Variants in GRAMD1B observed in about 807,000 individuals in gnomAD.
The protein encoded by GRAMD1B is GRAM domain containing 1B, also known as protein Aster-B.
In GRAMD1B, 37 loss-of-function variants were observed where a neutral mutation model predicts 99.7. That is an observed-to-expected ratio of 0.37 (90% CI 0.29 to 0.49). The LOEUF (loss-of-function observed/expected upper bound fraction) is 0.49. GRAMD1B is among the 20% of genes least tolerant of loss of function. GRAMD1B has a pLI of 0.98. For missense variants in GRAMD1B, 888 were observed against 1,009.2 expected (o/e 0.88, Z 1.63); for synonymous variants, 427 against 387.6 (o/e 1.10, Z -1.19).
At chr11:123,581,475 T>C (rs1339141158) in intron 3 of GRAMD1B, among the ~76,000 whole-genome samples, 1 of 152,178 alleles carries the variant, frequency 6.6e-6, no homozygotes, top group Non-Finnish European at 1.5e-5. Context: ...TTGGGACTCA[T>C]TTCCGGGAAT....
intron 2 of GRAMD1B, among the ~76,000 whole-genome samples, chr11:123,490,393 C>T (rs1938418564): frequency 6.6e-6 from 1 of 152,136 alleles, no homozygotes; most frequent in Non-Finnish European, 1.5e-5. Context: ...TCAAAAGGGT[C>T]TTGGTCTTTA....
chr11:123,504,284 A>G (rs549192748), intron 2 of GRAMD1B, among the ~76,000 whole-genome samples: 2 of 152,352 alleles, frequency 1.3e-5, no homozygotes, highest in Non-Finnish European at 2.9e-5. Flanking sequence ...GGAGGCTGAC[A>G]GCTTCCACTT....
intron 5 of GRAMD1B, 38 bp from the exon 6 acceptor site, chr11:123,594,697 C>G: frequency 9.2e-7 from 1 of 1,088,654 alleles, no homozygotes. Context: ...GAAAATGCTT[C>G]CTGCCTCTGA....
chr11:123,504,102 T>G (rs963131050), intron 2 of GRAMD1B, among the ~76,000 whole-genome samples: 1 of 152,212 alleles, frequency 6.6e-6, no homozygotes, highest in Non-Finnish European at 1.5e-5. Flanking sequence ...TCACTCATGT[T>G]TCTGTTGCTT....
At chr11:123,415,138 C>T (rs1336493178) in intron 1 of GRAMD1B, among the ~76,000 whole-genome samples, 7 of 108,060 alleles carry the variant, frequency 6.5e-5, no homozygotes, top group East Asian at 3.1e-4. Context: ...GAGTCTGGCT[C>T]TGTCGCCAGG....
chr11:123,499,600 G>A (rs1191844129), intron 2 of GRAMD1B, among the ~76,000 whole-genome samples: 2 of 152,172 alleles, frequency 1.3e-5, no homozygotes, highest in Admixed American at 1.3e-4. Context: ...AGGCATGTAA[G>A]CAATTAAATG....
Position 123,606,747 on chromosome 11 carries a change from A to G in GRAMD1B, c.1462A>G (p.Asn488Asp), listed in dbSNP as rs1160778334. The G allele has an allele frequency of 6.2e-7, 1 of 1,613,770 alleles. No individual in the cohort carries two copies. Among genetic ancestry groups the G allele is most frequent in the Non-Finnish European group, 8.5e-7 (1 of 1,179,800 alleles). The change falls in exon 11 of 20, where the codon AAT (asparagine) becomes GAT (aspartate). Residue 488 changes from asparagine to aspartate, a missense_variant. Physicochemically the swap from Asn to Asp is conservative, Grantham distance 23 (BLOSUM62 1). This residue lies in a region of GRAMD1B where 269 missense variants were observed against 296.6 expected (regional missense o/e 0.91). Transcript: ENST00000635736. Reference protein sequence around the residue: ...VNSPSLDFNDNEDIPTELSDS... With the variant: ...VNSPSLDFNDDEDIPTELSDS... ...CTCCCCTTCACTGGACTTCAATGAC[A>G]ATGAGGACATCCCCACTGAGCTCAG...
intron 1 of GRAMD1B, among the ~76,000 whole-genome samples, chr11:123,461,295 G>A (rs923997873): frequency 5.7e-4 from 87 of 152,320 alleles, no homozygotes; most frequent in African/African-American, 2.0e-3. Flanking sequence ...TGGCAGAAAA[G>A]CCAAGCTGGC....
At chr11:123,465,756 T>G (rs1228072377) in intron 1 of GRAMD1B, among the ~76,000 whole-genome samples, 3 of 137,854 alleles carry the variant, frequency 2.2e-5, no homozygotes, top group Non-Finnish European at 4.6e-5. Flanking sequence ...GCAACAAGAG[T>G]GAAACTCCAT....
At chr11:123,475,568 A>C (rs984855209) in intron 1 of GRAMD1B, among the ~76,000 whole-genome samples, 15 of 152,240 alleles carry the variant, frequency 9.9e-5, no homozygotes, top group African/African-American at 3.6e-4. Context: ...TCTTGAGCGA[A>C]TGGCAAGCAG....
chr11:123,375,136 A>C (rs1211431284), intron 1 of GRAMD1B, among the ~76,000 whole-genome samples: 1 of 152,194 alleles, frequency 6.6e-6, no homozygotes, highest in Non-Finnish European at 1.5e-5. Flanking sequence ...CCAATTTTAG[A>C]GAGGAGGAAA....
intron 1 of GRAMD1B, among the ~76,000 whole-genome samples, chr11:123,468,795 C>CAAA (rs11446671): frequency 3.6e-4 from 35 of 97,980 alleles, no homozygotes; most frequent in East Asian, 9.2e-4. Context: ...GACCCTGTAT[C>CAAA]AAAAAAAAAA....
intron 2 of GRAMD1B, among the ~76,000 whole-genome samples, chr11:123,528,166 G>T (rs927134303): frequency 1.3e-5 from 2 of 151,932 alleles, no homozygotes; most frequent in Non-Finnish European, 2.9e-5. Flanking sequence ...CTACTCTCTG[G>T]TACTCAGGTA....
At chr11:123,457,279 C>G (rs929605219) in intron 1 of GRAMD1B, among the ~76,000 whole-genome samples, 1 of 152,060 alleles carries the variant, frequency 6.6e-6, no homozygotes, top group Non-Finnish European at 1.5e-5. Context: ...AATGAGCATA[C>G]AGGAAGTGAA....
chr11:123,572,877 G>A (rs1185392969), intron 2 of GRAMD1B, among the ~76,000 whole-genome samples: 2 of 149,800 alleles, frequency 1.3e-5, no homozygotes, highest in Admixed American at 6.6e-5. Context: ...GGTAGGCCCC[G>A]ATGGCTGGGA....
chr11:123,523,066 T>C (rs1942350660), intron 2 of GRAMD1B, among the ~76,000 whole-genome samples: 1 of 152,204 alleles, frequency 6.6e-6, no homozygotes, highest in African/African-American at 2.4e-5. Flanking sequence ...GCGCGGTGGC[T>C]CATGCCTGTA....
intron 1 of GRAMD1B, among the ~76,000 whole-genome samples, chr11:123,371,476 A>G (rs1380616123): frequency 1.3e-5 from 2 of 152,200 alleles, no homozygotes; most frequent in African/African-American, 2.4e-5. Flanking sequence ...AATGCCTTAC[A>G]ATAAATTTGT....
At chr11:123,569,241 A>AAAGG (rs1947782506) in intron 2 of GRAMD1B, among the ~76,000 whole-genome samples, 1 of 152,108 alleles carries the variant, frequency 6.6e-6, no homozygotes, top group Non-Finnish European at 1.5e-5. Flanking sequence ...TTCATGAGTA[A>AAAGG]AAGGAGCTGA....
At position 123,610,110 on chromosome 11, in the gene GRAMD1B, G is replaced by A; in HGVS notation, c.1777-86G>A. 1 of 1,268,050 alleles carries A rather than the reference G, an allele frequency of 7.9e-7. No homozygotes were observed. Among genetic ancestry groups the A allele is most frequent in the Non-Finnish European group, 1.1e-6 (1 of 886,892 alleles). 78.5% of individuals were successfully genotyped at this position (1,268,050 alleles called of 1,614,324 possible). ...CTCCTGTTCAGAAGCCGTGGGGTGG[G>A]GTGGGCTTGGGGAGGCTGGAGAAGG... On this transcript the variant is annotated intron_variant, in intron 13 of 19. Coordinates refer to ENST00000635736, the MANE Select transcript of GRAMD1B (RefSeq NM_001387025.1). The surrounding 1 kb of genome is among the most constrained non-coding windows in gnomAD (Gnocchi z 4.1).
Sources: allele counts gnomAD v4.1 joint callset (sites outside exome capture counted in the v4.1 genomes callset), GRCh38; gene constraint gnomAD v4.1.1; regional missense constraint gnomAD v4.1.1; non-coding constraint Gnocchi (gnomAD v3.1); transcripts MANE v1.5; gene names NCBI Gene and HGNC (gene_info 2026-07-23, HGNC 2026-07-21).